ZBTB7C: variants seen among roughly 807,000 people sequenced by gnomAD.
ZBTB7C encodes the protein zinc finger and BTB domain containing 7C.
In ZBTB7C, 8 loss-of-function variants were observed where a neutral mutation model predicts 25.7. The ratio of observed to expected loss-of-function variants is 0.31; its 90% CI spans 0.18 to 0.56. The LOEUF is 0.56. Ranked by LOEUF, ZBTB7C falls within the 20% of genes least tolerant of loss-of-function variation. The pLI is 0.91. For synonymous variants in ZBTB7C, 394 were observed against 369.0 expected, an observed-to-expected ratio of 1.07 and a Z score of -0.78; for missense variants, 824 against 855.2, an observed-to-expected ratio of 0.96 and a Z score of 0.46.
At chr18:48,326,178 C>A (rs1388999634) in intron 2 of ZBTB7C, among the ~76,000 whole-genome samples, 1 of 149,290 alleles carries the variant, frequency 6.7e-6, no homozygotes, top group Admixed American at 6.9e-5. Context: ...TCACTGCAAC[C>A]TCCACCTCCT....
intron 2 of ZBTB7C, among the ~76,000 whole-genome samples, chr18:48,215,933 G>T (rs2042812440): frequency 6.6e-6 from 1 of 152,208 alleles, no homozygotes. Flanking sequence ...CTATACTAAA[G>T]TCAGGTTGTT....
At chr18:48,173,520 C>T (rs1175516158) in intron 3 of ZBTB7C, among the ~76,000 whole-genome samples, 5 of 151,508 alleles carry the variant, frequency 3.3e-5, no homozygotes, top group South Asian at 2.1e-4. Flanking sequence ...TATGATACGT[C>T]CCCCCTTCCC....
chr18:48,372,193 G>C (rs1378750952), intron 1 of ZBTB7C, among the ~76,000 whole-genome samples: 1 of 152,156 alleles, frequency 6.6e-6, no homozygotes, highest in East Asian at 1.9e-4. Flanking sequence ...GCCCTCACTG[G>C]ACAATAGGAA....
At chr18:48,098,832 T>C (rs568718517) in intron 3 of ZBTB7C, among the ~76,000 whole-genome samples, 1 of 152,340 alleles carries the variant, frequency 6.6e-6, no homozygotes, top group South Asian at 2.1e-4. Flanking sequence ...GTTCTCTTTT[T>C]CCTGCGGCAC....
chr18:48,081,437 T>TTTTTTC (rs139489453), intron 3 of ZBTB7C, among the ~76,000 whole-genome samples: 108 of 147,952 alleles, frequency 7.3e-4, no homozygotes, highest in African/African-American at 1.0e-3. Context: ...AAATGATTTC[T>TTTTTTC]TTTTTCTTTT....
intron 2 of ZBTB7C, among the ~76,000 whole-genome samples, chr18:48,186,267 C>A (rs2042051913): frequency 6.6e-6 from 1 of 152,220 alleles, no homozygotes; most frequent in South Asian, 2.1e-4. Context: ...GCCTCCAATT[C>A]CCTGAAGGCG....
At chr18:48,212,819 G>T (rs1257914053) in intron 2 of ZBTB7C, among the ~76,000 whole-genome samples, 1 of 152,102 alleles carries the variant, frequency 6.6e-6, no homozygotes, top group African/African-American at 2.4e-5. Flanking sequence ...CTTGAAGAAG[G>T]AGTAGAATTT....
intron 2 of ZBTB7C, among the ~76,000 whole-genome samples, chr18:48,314,905 G>C (rs1194610771): frequency 6.6e-6 from 1 of 152,168 alleles, no homozygotes. Context: ...GCAGCCAGCA[G>C]GGGAGTCCTG....
chr18:48,295,712 AG>A (rs2045367790), intron 2 of ZBTB7C, among the ~76,000 whole-genome samples: 2 of 152,186 alleles, frequency 1.3e-5, no homozygotes, highest in Admixed American at 1.3e-4. Context: ...GGCCTAGAGC[AG>A]CCTGGAATTC....
intron 2 of ZBTB7C, among the ~76,000 whole-genome samples, chr18:48,240,958 C>T (rs772584906): frequency 6.6e-6 from 1 of 152,036 alleles, no homozygotes; most frequent in Non-Finnish European, 1.5e-5. Flanking sequence ...AAGAGACTCA[C>T]CTAACACATA....
intron 2 of ZBTB7C, among the ~76,000 whole-genome samples, chr18:48,222,108 AT>A (rs1216917775): frequency 6.7e-6 from 1 of 149,838 alleles, no homozygotes; most frequent in Non-Finnish European, 1.5e-5. Flanking sequence ...TACTGTCCTA[AT>A]CTCCCCTCTA....
At chr18:48,156,496 G>A (rs370778146) in intron 3 of ZBTB7C, among the ~76,000 whole-genome samples, 1 of 152,202 alleles carries the variant, frequency 6.6e-6, no homozygotes, top group Non-Finnish European at 1.5e-5. Flanking sequence ...GAAAAGTAAA[G>A]TGGGATACAC....
At chr18:48,107,996 A>G (rs1253488676) in intron 3 of ZBTB7C, among the ~76,000 whole-genome samples, 1 of 152,150 alleles carries the variant, frequency 6.6e-6, no homozygotes, top group Non-Finnish European at 1.5e-5. Flanking sequence ...CCCCTCATGA[A>G]GATAAAATCT....
At chr18:48,268,848 A>G (rs1055937038) in intron 2 of ZBTB7C, among the ~76,000 whole-genome samples, 6 of 152,142 alleles carry the variant, frequency 3.9e-5, no homozygotes, top group African/African-American at 1.2e-4. Flanking sequence ...AATATCTTAG[A>G]CTGGGTAATT....
At chr18:48,186,989 C>T (rs73955332) in intron 2 of ZBTB7C, among the ~76,000 whole-genome samples, 6 of 152,288 alleles carry the variant, frequency 3.9e-5, no homozygotes, top group African/African-American at 9.6e-5. Context: ...CTGGCTGAAG[C>T]GCAGACTGAG....
At chr18:48,358,639 C>T (rs2047032341) in intron 1 of ZBTB7C, among the ~76,000 whole-genome samples, 1 of 152,186 alleles carries the variant, frequency 6.6e-6, no homozygotes, top group Non-Finnish European at 1.5e-5. Context: ...GATTTCTGTG[C>T]CAGTCAGGAT....
intron 3 of ZBTB7C, chr18:48,137,172 T>G (rs2144809025): frequency 1.0e-6 from 1 of 985,328 alleles, no homozygotes; most frequent in South Asian, 4.7e-5. Flanking sequence ...CCAGGAGTGG[T>G]TTTGAGAGAG....
At chr18:48,049,781 A>G (rs143221669) in intron 3 of ZBTB7C, among the ~76,000 whole-genome samples, 65 of 152,304 alleles carry the variant, frequency 4.3e-4, no homozygotes, top group African/African-American at 1.5e-3. Flanking sequence ...CTTCAAGAAT[A>G]GAACTGTTGG....
At chr18:48,351,373 C>T (rs540932246) in intron 1 of ZBTB7C, among the ~76,000 whole-genome samples, 4 of 152,116 alleles carry the variant, frequency 2.6e-5, no homozygotes, top group Non-Finnish European at 5.9e-5. Flanking sequence ...AAAGGAGGGC[C>T]CAAGTTCAAA....
Sources: allele counts gnomAD v4.1 joint callset (sites outside exome capture counted in the v4.1 genomes callset), GRCh38; gene constraint gnomAD v4.1.1; transcripts MANE v1.5; gene names NCBI Gene and HGNC (gene_info 2026-07-23, HGNC 2026-07-21).